The following GSR variants were observed in gnomAD, a reference collection of about 807,000 sequenced individuals.
The protein encoded by GSR is glutathione-disulfide reductase, also known as glutathione reductase, mitochondrial.
In GSR, 48 loss-of-function variants were observed where a neutral mutation model predicts 56.5. The observed-to-expected ratio is 0.85, with a 90% CI of 0.67 to 1.08. The LOEUF is 1.08. GSR is among the 50% of genes least tolerant of loss of function. The pLI is 0.00. For missense variants in GSR, 694 were observed against 703.3 expected, an observed-to-expected ratio of 0.99 and a Z score of 0.15; for synonymous variants, 264 against 270.8, an observed-to-expected ratio of 0.97 and a Z score of 0.25.
At chr8:30,693,733 C>T (rs1586043917) in intron 7 of GSR, among the ~76,000 whole-genome samples, 2 of 152,050 alleles carry the variant, frequency 1.3e-5, no homozygotes, top group South Asian at 4.1e-4. Context: ...TTCGCCATGT[C>T]GGCCAGGCTG....
chr8:30,714,972 C>G (rs766987628), intron 1 of GSR, among the ~76,000 whole-genome samples: 1 of 152,056 alleles, frequency 6.6e-6, no homozygotes, highest in Non-Finnish European at 1.5e-5. Flanking sequence ...GTACTTCATA[C>G]TAAAAATTAG....
intron 8 of GSR, among the ~76,000 whole-genome samples, chr8:30,689,961 T>A (rs1161346800): frequency 1.5e-5 from 2 of 136,818 alleles, no homozygotes; most frequent in African/African-American, 5.2e-5. Context: ...ATGTATATTT[T>A]TATTTATTAT....
At position 30,681,881 on chromosome 8, in the gene GSR, G is replaced by A. The variant is rs776018043; in HGVS notation, c.1285+49C>T. 30 of 1,583,492 alleles carry A rather than the reference G, an allele frequency of 1.9e-5. No individual in the cohort carries two copies. The Admixed American group carries it at 4.7e-4, about 25-fold the overall frequency. On this transcript the variant is annotated intron_variant, in intron 11 of 12. Coordinates refer to ENST00000221130, the MANE Select transcript of GSR (RefSeq NM_000637.5). ...AGACCTAATTTAAAGTTGGGGGCAG[G>A]GGAAAGAGGAAGGAAACCACAAATG...
intron 6 of GSR, among the ~76,000 whole-genome samples, chr8:30,698,692 T>C (rs1401863723): frequency 6.6e-6 from 1 of 152,192 alleles, no homozygotes; most frequent in Non-Finnish European, 1.5e-5. Flanking sequence ...GATAGGCTCA[T>C]GGACTATGAG....
chr8:30,718,922 T>G, intron 1 of GSR, among the ~76,000 whole-genome samples: 1 of 13,082 alleles, frequency 7.6e-5, no homozygotes, highest in African/African-American at 8.4e-5. Flanking sequence ...GGTGTTTTGT[T>G]TTTTTTTTTT....
At chr8:30,689,382 A>T in intron 8 of GSR, 63 bp from the exon 9 acceptor site, 1 of 1,325,256 alleles carries the variant, frequency 7.5e-7, no homozygotes, top group East Asian at 2.3e-5. Flanking sequence ...GGAAGAAGGA[A>T]AGCAAATACA....
chr8:30,727,788 C>T lies in GSR; in HGVS notation c.48G>A (p.Trp16Ter), dbSNP rs1364499297. The T allele has an allele frequency of 1.2e-4, 167 of 1,344,368 alleles. No homozygotes were observed. The highest frequency in any genetic ancestry group is 1.6e-4 in the Non-Finnish European group (164 of 1,048,090). 83.3% of individuals were successfully genotyped at this position (1,344,368 alleles called of 1,614,324 possible). Residue 16 changes from tryptophan (W) to a stop codon, truncating the protein, a stop_gained, in exon 1 of 13, where the codon TGG becomes TGA. Coordinates refer to ENST00000221130, the MANE Select transcript of GSR (RefSeq NM_000637.5). LOFTEE classifies it high-confidence loss of function. Reference protein sequence around the residue: ...RALSAGAGPSWRRAARAFRGF... With the variant: ...RALSAGAGPS The stretch of plus-strand genomic sequence containing the variant: ...CTCGGAAGGCGCGCGCCGCCCGCCG[C>T]CAGCTCGGTCCCGCGCCGGCGCTCA...
intron 7 of GSR, among the ~76,000 whole-genome samples, chr8:30,695,032 C>T (rs1803499928): frequency 6.6e-6 from 1 of 151,546 alleles, no homozygotes; most frequent in African/African-American, 2.4e-5. Flanking sequence ...CACTGTACTG[C>T]AGACTGGGTA....
chr8:30,693,676 C>T (rs1371443431), intron 7 of GSR, among the ~76,000 whole-genome samples: 2 of 152,116 alleles, frequency 1.3e-5, no homozygotes, highest in South Asian at 2.1e-4. Flanking sequence ...TTACAGGCGC[C>T]CACCACCATG....
At chr8:30,709,979 T>C (rs1586060378) in intron 2 of GSR, 77 bp from the exon 3 acceptor site, 2 of 795,666 alleles carry the variant, frequency 2.5e-6, no homozygotes, top group Admixed American at 2.2e-5. Context: ...CATGAATGAA[T>C]GGTAACTAGG....
intron 12 of GSR, 81 bp from the exon 13 acceptor site, chr8:30,679,750 G>A (rs926026605): frequency 2.3e-6 from 3 of 1,305,812 alleles, no homozygotes; most frequent in Non-Finnish European, 3.2e-6. Context: ...TTGTTGCCCA[G>A]GCTGGAGTGC....
chr8:30,690,169 T>TTTAC (rs995025484), intron 8 of GSR, among the ~76,000 whole-genome samples: 24 of 146,272 alleles, frequency 1.6e-4, no homozygotes, highest in Non-Finnish European at 3.1e-4. Context: ...TATTTATTTA[T>TTTAC]TTATTTATTT....
chr8:30,689,011 G>A, intron 9 of GSR, 150 bp downstream of exon 9: 1 of 685,194 alleles, frequency 1.5e-6, no homozygotes, highest in Middle Eastern at 3.4e-4. Flanking sequence ...AAAGGAAGAA[G>A]CAATGAAATT....
intron 1 of GSR, 53 bp downstream of exon 1, chr8:30,727,477 G>C: frequency 6.7e-7 from 1 of 1,481,598 alleles, no homozygotes; most frequent in Non-Finnish European, 9.1e-7. Context: ...GCTGTCCCCC[G>C]AAAGACCGAG....
At chr8:30,688,344 C>T (rs1245496950) in intron 9 of GSR, among the ~76,000 whole-genome samples, 8 of 152,090 alleles carry the variant, frequency 5.3e-5, no homozygotes, top group Non-Finnish European at 7.4e-5. Context: ...TTTGGGAGGC[C>T]GAGGTGGAAG....
At chr8:30,719,105 T>A (rs10090296) in intron 1 of GSR, among the ~76,000 whole-genome samples, 2 of 2,120 alleles carry the variant, frequency 9.4e-4, no homozygotes, top group Admixed American at 0.026. Flanking sequence ...AATTTTTAAA[T>A]TTTTTTTTTT....
At chr8:30,691,630 G>A (rs1343934983) in intron 8 of GSR, among the ~76,000 whole-genome samples, 3 of 151,172 alleles carry the variant, frequency 2.0e-5, no homozygotes, top group African/African-American at 7.3e-5. Context: ...GCAGTGAGCC[G>A]AGATGGCACC....
intron 9 of GSR, among the ~76,000 whole-genome samples, chr8:30,685,251 C>G (rs993794770): frequency 6.6e-6 from 1 of 152,118 alleles, no homozygotes; most frequent in Non-Finnish European, 1.5e-5. Flanking sequence ...TGAACCACCA[C>G]GCCTAGCCTT....
rs55702917 is a variant in GSR at position 30,700,723 on chromosome 8, CAAAAAAAAAAAA to C, written c.641-600_641-589del. On this transcript the variant is annotated intron_variant, in intron 5 of 12. Coordinates refer to ENST00000221130, the MANE Select transcript of GSR (RefSeq NM_000637.5). ...TGGGAACAGAGCAAGATTTTGTCTC[CAAAAAAAAAAAA>C]AAAAAAAAAAAAAAATCGACGTGGC... 1.8e-3 allele frequency among the ~76,000 whole-genome samples: 141 copies of C among 80,056 alleles called. 2 individuals are homozygous for C. The highest frequency in any genetic ancestry group is 5.9e-3 in the African/African-American group (132 of 22,190). The allele number at this position is 80,056 out of a possible 152,430, so 52.5% of individuals were successfully genotyped here.
Sources: allele counts gnomAD v4.1 joint callset (sites outside exome capture counted in the v4.1 genomes callset), GRCh38; gene constraint gnomAD v4.1.1; transcripts MANE v1.5; gene names NCBI Gene and HGNC (gene_info 2026-07-23, HGNC 2026-07-21).